Variants in DOCK3 observed in about 807,000 individuals in gnomAD.
DOCK3 encodes dedicator of cytokinesis 3.
In DOCK3, 60 loss-of-function variants were observed where a neutral mutation model predicts 265.6. The ratio of observed to expected loss-of-function variants is 0.23; its 90% CI spans 0.18 to 0.28. The LOEUF is 0.28. DOCK3 is among the 10% of genes least tolerant of loss of function. The probability of loss-of-function intolerance (pLI) is 1.00; values close to 1 mark genes in which losing one functional copy is unlikely to be tolerated. For missense variants in DOCK3, 1,981 were observed against 2,594.3 expected (o/e 0.76, Z 5.14); for synonymous variants, 881 against 938.0 (o/e 0.94, Z 1.11).
At chr3:51,114,438 C>CA (rs2083647793) in intron 9 of DOCK3, among the ~76,000 whole-genome samples, 1 of 152,074 alleles carries the variant, frequency 6.6e-6, no homozygotes, top group South Asian at 2.1e-4. Context: ...AGGAATGACA[C>CA]AATGATAGGA....
chr3:51,287,124 A>G (rs950211644), intron 27 of DOCK3, among the ~76,000 whole-genome samples: 2 of 152,236 alleles, frequency 1.3e-5, no homozygotes, highest in Non-Finnish European at 2.9e-5. Flanking sequence ...AAGCAAAAAA[A>G]CAACTCTGTT....
At chr3:51,333,078 C>T in intron 34 of DOCK3, 51 bp downstream of exon 34, 6 of 1,613,940 alleles carry the variant, frequency 3.7e-6, no homozygotes, top group Non-Finnish European at 5.1e-6. Context: ...TCACAGCCTC[C>T]ATGGGCTCTT....
chr3:51,011,617 C>G (rs2078954278), intron 5 of DOCK3, among the ~76,000 whole-genome samples: 1 of 152,240 alleles, frequency 6.6e-6, no homozygotes, highest in Non-Finnish European at 1.5e-5. Flanking sequence ...GCCTTCTTCT[C>G]TCAACTTGTC....
chr3:50,789,671 A>G (rs184415418), intron 2 of DOCK3, among the ~76,000 whole-genome samples: 51 of 152,288 alleles, frequency 3.3e-4, no homozygotes, highest in African/African-American at 1.2e-3. Flanking sequence ...TGTTAGGTGC[A>G]TATATATCTA....
chr3:51,275,216 C>G lies in DOCK3; in HGVS notation c.2676+10C>G, dbSNP rs746098765. ...CAAGACCAGCTCTCTGGTAGTGGCC[C>G]CACACCCACTCCACCCTGTTCAGCT... On this transcript the variant is annotated intron_variant, in intron 25 of 52. Transcript: ENST00000266037. The G allele has an allele frequency of 3.7e-6, 6 of 1,613,578 alleles. No individual in the cohort carries two copies. The highest frequency in any genetic ancestry group is 5.1e-6 in the Non-Finnish European group (6 of 1,179,850).
intron 1 of DOCK3, among the ~76,000 whole-genome samples, chr3:50,755,185 G>C (rs1296683151): frequency 6.6e-6 from 1 of 152,132 alleles, no homozygotes; most frequent in Non-Finnish European, 1.5e-5. Context: ...TTCTCACAGA[G>C]GTTCACATAA....
chr3:51,208,205 C>A (rs766445475), intron 12 of DOCK3, among the ~76,000 whole-genome samples: 12 of 152,222 alleles, frequency 7.9e-5, no homozygotes, highest in Non-Finnish European at 1.5e-4. Context: ...CCTCCTTCCC[C>A]CTGACCACAG....
At chr3:51,291,859 G>A (rs1351776608) in intron 27 of DOCK3, among the ~76,000 whole-genome samples, 5 of 152,112 alleles carry the variant, frequency 3.3e-5, no homozygotes, top group African/African-American at 9.7e-5. Flanking sequence ...CAAAAGACTA[G>A]CAAACTATAT....
At chr3:50,847,790 A>C (rs2107337608) in intron 3 of DOCK3, among the ~76,000 whole-genome samples, 1 of 150,708 alleles carries the variant, frequency 6.6e-6, no homozygotes, top group East Asian at 2.0e-4. Context: ...AGGCTGAGGC[A>C]GGAGAATTGC....
intron 5 of DOCK3, among the ~76,000 whole-genome samples, chr3:51,010,327 G>C (rs2078891894): frequency 6.6e-6 from 1 of 152,164 alleles, no homozygotes; most frequent in African/African-American, 2.4e-5. Context: ...ATACATTTAG[G>C]ATATTTAGCT....
At chr3:51,373,086 C>T (rs6782997) in intron 49 of DOCK3, among the ~76,000 whole-genome samples, 1,591 of 152,310 alleles carry the variant, frequency 0.01, 41 homozygotes, top group African/African-American at 0.035. Flanking sequence ...GTATTTATTA[C>T]GCTGACTTCT....
intron 14 of DOCK3, among the ~76,000 whole-genome samples, chr3:51,220,283 T>A (rs985424366): frequency 6.6e-6 from 1 of 152,116 alleles, no homozygotes; most frequent in Non-Finnish European, 1.5e-5. Flanking sequence ...TCTTACATGA[T>A]CTTAAGGAAG....
At position 51,360,563 on chromosome 3, in the gene DOCK3, C is replaced by A; in HGVS notation, c.4937C>A (p.Pro1646Gln). Reference protein sequence around the residue: ...LSPACSGTSTPRGNVLASHSP... With the variant: ...LSPACSGTSTQRGNVLASHSP... ...CCTGCATGTTCAGGCACCAGCACCCCACGGGGAAATGTTCTGGCATCCCAT... is the reference window on the plus strand; with the variant it reads ...CCTGCATGTTCAGGCACCAGCACCCAACGGGGAAATGTTCTGGCATCCCAT... The change falls in exon 47 of 53, where the codon CCA becomes CAA. Residue 1646 changes from proline to glutamine, a missense_variant. Around this residue, in one of 4 missense-constraint regions of DOCK3, gnomAD observed 1,357 missense variants for 1,866.8 expected, o/e 0.73. Coordinates refer to ENST00000266037, the MANE Select transcript of DOCK3 (RefSeq NM_004947.5). 6.2e-7 allele frequency: 1 copy of A among 1,613,394 alleles called. No individual in the cohort carries two copies. Among genetic ancestry groups the A allele is most frequent in the Non-Finnish European group, 8.5e-7 (1 of 1,179,668 alleles).
intron 2 of DOCK3, among the ~76,000 whole-genome samples, chr3:50,836,350 T>C (rs2045509881): frequency 6.6e-6 from 1 of 152,348 alleles, no homozygotes; most frequent in South Asian, 2.1e-4. Context: ...CTCTGAAATC[T>C]AGGCGGAGGT....
At chr3:50,693,817 G>A (rs1399732347) in intron 1 of DOCK3, among the ~76,000 whole-genome samples, 4 of 151,762 alleles carry the variant, frequency 2.6e-5, no homozygotes, top group African/African-American at 9.7e-5. Context: ...GATTACAGGT[G>A]TGAGCCACCG....
chr3:51,369,186 A>C (rs1480433756), intron 49 of DOCK3, among the ~76,000 whole-genome samples: 1 of 152,240 alleles, frequency 6.6e-6, no homozygotes, highest in African/African-American at 2.4e-5. Context: ...CTGGATGGAG[A>C]ATGACTTTGA....
At chr3:51,066,372 G>A (rs777244473) in intron 6 of DOCK3, among the ~76,000 whole-genome samples, 1 of 152,132 alleles carries the variant, frequency 6.6e-6, no homozygotes, top group Non-Finnish European at 1.5e-5. Context: ...TAGTATTCTA[G>A]GAATGAAGAG....
chr3:50,776,831 C>G (rs2041629417), intron 1 of DOCK3, among the ~76,000 whole-genome samples: 2 of 152,064 alleles, frequency 1.3e-5, no homozygotes, highest in African/African-American at 4.8e-5. Context: ...AATAAGGTGT[C>G]TGTATTAATC....
Position 51,356,111 on chromosome 3 carries a change from G to A in DOCK3, c.4272G>A (p.Thr1424=), listed in dbSNP as rs375221528. 4.0e-5 allele frequency: 64 copies of A among 1,613,832 alleles called. No homozygotes were observed. In the Admixed American group the frequency reaches 9.3e-4, roughly 24 times the overall value. ...CAGACTTGCAGATCTATGCAGTGAC[G>A]CCCATTCCAGATTATGTGGATGTTC... The part of the protein sequence containing the change: ...DAQYLQIYAV[T]PIPDYVDVLQ... The change falls in exon 42 of 53, where the codon ACG becomes ACA. Residue 1424 remains threonine (T), a synonymous_variant. Coordinates refer to ENST00000266037, the MANE Select transcript of DOCK3 (RefSeq NM_004947.5).
Sources: allele counts gnomAD v4.1 joint callset (sites outside exome capture counted in the v4.1 genomes callset), GRCh38; gene constraint gnomAD v4.1.1; regional missense constraint gnomAD v4.1.1; transcripts MANE v1.5; gene names NCBI Gene and HGNC (gene_info 2026-07-23, HGNC 2026-07-21).